Variants in CEP19 observed in about 807,000 individuals in gnomAD.
CEP19 encodes the protein centrosomal protein of 19 kDa.
CEP19 carries 14 observed loss-of-function variants against 17.5 expected under a neutral mutation model. The observed-to-expected ratio is 0.80, with a 90% CI of 0.53 to 1.25. CEP19 has a LOEUF of 1.25. Ranked by LOEUF, CEP19 falls within the 50% of genes most tolerant of loss-of-function variation. The pLI, the probability that CEP19 is intolerant of heterozygous loss-of-function variation, is 0.00. For missense variants in CEP19, 193 were observed against 192.0 expected (o/e 1.01, Z -0.03); for synonymous variants, 59 against 65.5 (o/e 0.90, Z 0.48).
rs1338164537 is a variant in CEP19 at position 196,707,732 on chromosome 3, T to C, written c.311A>G (p.Asp104Gly). 1.9e-6 allele frequency: 3 copies of C among 1,614,180 alleles called. No homozygotes were observed. The South Asian group carries it at 3.3e-5, about 18-fold the overall frequency. ...QRETTIDPEEDLNKLDDKELA... is the reference protein window; with the variant it reads ...QRETTIDPEEGLNKLDDKELA... ...CTCCTTGTCATCTAGTTTGTTCAGG[T>C]CTTCCTCAGGATCAATGGTTGTTTC... The change falls in exon 3 of 3, where the codon GAC becomes GGC. Residue 104 changes from aspartate (D) to glycine (G), a missense_variant. Coordinates refer to ENST00000409690, the MANE Select transcript of CEP19 (RefSeq NM_032898.5).
At chr3:196,708,349 AT>A (rs1161086862) in intron 2 of CEP19, among the ~76,000 whole-genome samples, 178 bp downstream of exon 2, 1 of 152,178 alleles carries the variant, frequency 6.6e-6, no homozygotes, top group Non-Finnish European at 1.5e-5. Flanking sequence ...TCCCAAAAGG[AT>A]TATTAATTAT....
chr3:196,711,942 C>T lies in CEP19; in HGVS notation c.-84G>A, dbSNP rs1361461137. On this transcript the variant is annotated 5_prime_UTR_variant, in exon 1 of 3. Coordinates refer to ENST00000409690, the MANE Select transcript of CEP19 (RefSeq NM_032898.5). ...TGGCTTTCTTACCCTTAGAGGAATA[C>T]AGAAATGACATCGTCTGCAGGCCAA... 1 of 717,388 alleles carries T rather than the reference C, an allele frequency of 1.4e-6. No homozygotes were observed. The highest frequency in any genetic ancestry group is 2.7e-5 in the East Asian group (1 of 37,302). 44.4% of individuals were successfully genotyped at this position (717,388 alleles called of 1,614,324 possible). A position where few individuals can be genotyped will look rare whatever the true frequency, so the allele number is the denominator to read the frequency against.
intron 1 of CEP19, 169 bp from the exon 2 acceptor site, chr3:196,708,896 T>C (rs1437464133): frequency 1.4e-5 from 7 of 497,482 alleles, no homozygotes; most frequent in Non-Finnish European, 2.5e-5. Flanking sequence ...TGTGTCATCC[T>C]TGCGCAGGGG....
intron 1 of CEP19, 136 bp downstream of exon 1, chr3:196,711,793 T>G (rs1711804229): frequency 1.5e-6 from 1 of 665,062 alleles, no homozygotes; most frequent in African/African-American, 1.8e-5. Flanking sequence ...ACACGAATAC[T>G]CCTCTCCCCA....
At position 196,708,727 on chromosome 3, in the gene CEP19, G is replaced by A. The variant is rs1711619885; in HGVS notation, c.-70C>T. On this transcript the variant is annotated splice_region_variant and 5_prime_UTR_variant, in exon 2 of 3. Transcript: ENST00000409690. ...TGTGTAAGTTGCATAATGACTTCCTGCTAAAGGGAAAAAACAACTAGGTGT... is the reference window on the plus strand; with the variant it reads ...TGTGTAAGTTGCATAATGACTTCCTACTAAAGGGAAAAAACAACTAGGTGT... 1.5e-5 allele frequency: 23 copies of A among 1,520,216 alleles called. No individual in the cohort carries two copies. Among genetic ancestry groups the A allele is most frequent in the Non-Finnish European group, 2.1e-5 (23 of 1,111,526 alleles). The allele number at this position is 1,520,216 out of a possible 1,614,324, so 94.2% of individuals were successfully genotyped here.
chr3:196,710,905 G>A lies in CEP19; in HGVS notation c.-71+1024C>T, dbSNP rs1711737202. Among the ~76,000 whole-genome samples, 3 of 140,232 alleles carry A rather than the reference G, an allele frequency of 2.1e-5. No individual in the cohort carries two copies. The South Asian group carries it at 6.7e-4, about 31-fold the overall frequency. The allele number at this position is 140,232 out of a possible 152,430, so 92.0% of individuals were successfully genotyped here. On this transcript the variant is annotated intron_variant, in intron 1 of 2. Transcript: ENST00000409690. The stretch of plus-strand genomic sequence containing the variant: ...AATTACTGTGCTCTACCTCTAATCT[G>A]ATGCAATGAGCTCACACCATTTCTC...
chr3:196,708,341 C>T (rs182333245), intron 2 of CEP19, among the ~76,000 whole-genome samples, 187 bp downstream of exon 2: 1 of 151,942 alleles, frequency 6.6e-6, no homozygotes, highest in East Asian at 1.9e-4. Context: ...GGCAGCAATC[C>T]CAAAAGGATT....
chr3:196,711,948 T>C lies in CEP19; in HGVS notation c.-90A>G. ...TCTTACCCTTAGAGGAATACAGAAA[T>C]GACATCGTCTGCAGGCCAACGTCTA... On this transcript the variant is annotated 5_prime_UTR_variant, in exon 1 of 3. Transcript: ENST00000409690. 1.4e-6 allele frequency: 1 copy of C among 717,464 alleles called. No individual in the cohort carries two copies. Among genetic ancestry groups the C allele is most frequent in the East Asian group, 2.7e-5 (1 of 37,282 alleles). 44.4% of individuals were successfully genotyped at this position (717,464 alleles called of 1,614,324 possible).
intron 1 of CEP19, among the ~76,000 whole-genome samples, chr3:196,710,860 A>C (rs1711732376): frequency 6.6e-6 from 1 of 150,454 alleles, no homozygotes; most frequent in Non-Finnish European, 1.5e-5. Flanking sequence ...AAAAAAAAAA[A>C]AAAAAAAACT....
chr3:196,712,165 G>A lies in CEP19; in HGVS notation c.-307C>T. ...CGGGAAGCGGAGGTGGGGGCCGGCT[G>A]GGGGACCGGTCCACCGGCTCCCACC... On this transcript the variant is annotated 5_prime_UTR_variant, in exon 1 of 3. Coordinates refer to ENST00000409690, the MANE Select transcript of CEP19 (RefSeq NM_032898.5). 1.7e-6 allele frequency: 1 copy of A among 574,980 alleles called. No individual in the cohort carries two copies. Among genetic ancestry groups the A allele is most frequent in the East Asian group, 2.9e-5 (1 of 35,012 alleles). 35.6% of individuals were successfully genotyped at this position (574,980 alleles called of 1,614,324 possible).
Position 196,707,366 on chromosome 3 carries a change from C to G in CEP19, c.*185G>C, listed in dbSNP as rs1033972221. 2 of 642,690 alleles carry G rather than the reference C, an allele frequency of 3.1e-6. No homozygotes were observed. The highest frequency in any genetic ancestry group is 5.2e-6 in the Non-Finnish European group (2 of 383,706). The allele number at this position is 642,690 out of a possible 1,614,324, so 39.8% of individuals were successfully genotyped here. ...CTCCTTAAAGGCAGATTCCTTTATT[C>G]TGTTTTTCCCATACTCCTCATGCAC... is the stretch of plus-strand genomic sequence containing the variant. On this transcript the variant is annotated 3_prime_UTR_variant, in exon 3 of 3. Coordinates refer to ENST00000409690, the MANE Select transcript of CEP19 (RefSeq NM_032898.5).
chr3:196,711,160 T>C (rs2108666752), intron 1 of CEP19, among the ~76,000 whole-genome samples: 2 of 152,130 alleles, frequency 1.3e-5, no homozygotes, highest in East Asian at 3.9e-4. Context: ...TTTGCTAAAG[T>C]AATGTTTGTA....
In CEP19 at chr3:196,707,848, T is replaced by G; in HGVS notation, c.195A>C (p.Val65=). The G allele has an allele frequency of 6.2e-7, 1 of 1,614,086 alleles. No individual in the cohort carries two copies. The highest frequency in any genetic ancestry group is 8.5e-7 in the Non-Finnish European group (1 of 1,180,034). ...ATAGCTTCTCTAGCTGCCTCAGGGATACTTGTTCTAGGTAACTCTTGTGTC... is the reference window on the plus strand; with the variant it reads ...ATAGCTTCTCTAGCTGCCTCAGGGAGACTTGTTCTAGGTAACTCTTGTGTC... The part of the protein sequence containing the change: ...NPRHKSYLEQ[V]SLRQLEKLFS... The change falls in exon 3 of 3, where the codon GTA becomes GTC. Residue 65 remains valine, a synonymous_variant. Transcript: ENST00000409690.
chr3:196,707,368 GT>G lies in CEP19; in HGVS notation c.*182del. On this transcript the variant is annotated 3_prime_UTR_variant, in exon 3 of 3. Transcript: ENST00000409690. ...CCTTAAAGGCAGATTCCTTTATTCT[GT>G]TTTTCCCATACTCCTCATGCACCTA... 1 of 652,870 alleles carries G rather than the reference GT, an allele frequency of 1.5e-6. No individual in the cohort carries two copies. The allele number at this position is 652,870 out of a possible 1,614,324, so 40.4% of individuals were successfully genotyped here.
intron 2 of CEP19, 127 bp downstream of exon 2, chr3:196,708,401 G>T: frequency 1.2e-6 from 1 of 836,894 alleles, no homozygotes. Context: ...TTATAGATTA[G>T]GAAACTGAAG....
intron 1 of CEP19, among the ~76,000 whole-genome samples, chr3:196,710,953 G>GC (rs11370623): frequency 0.087 from 11,248 of 129,692 alleles, 1,193 homozygotes; most frequent in East Asian, 0.56. Flanking sequence ...CTCTTTTCTT[G>GC]CTTTTTTTTT....
In CEP19 at chr3:196,707,787, G is replaced by C. The variant is rs1711580729; in HGVS notation, c.256C>G (p.Leu86Val). The change falls in exon 3 of 3, where the codon CTG becomes GTG. Residue 86 changes from leucine to valine, a missense_variant. By Grantham distance (32) the Leu-to-Val change is conservative (BLOSUM62 1). Transcript: ENST00000409690. ...FLRGYLSGQS[L>V]AETMEQIQRE... ...TGAATTTGTTCCATTGTTTCTGCCA[G>C]ACTCTGCCCCGACAAGTAACCTCGT... The C allele has an allele frequency of 6.2e-7, 1 of 1,614,138 alleles. No homozygotes were observed. Among genetic ancestry groups the C allele is most frequent in the East Asian group, 2.2e-5 (1 of 44,890 alleles).
intron 1 of CEP19, among the ~76,000 whole-genome samples, chr3:196,711,007 A>T (rs1193684783): frequency 5.7e-5 from 8 of 141,540 alleles, no homozygotes; most frequent in African/African-American, 2.1e-4. Context: ...CTAAAATTTG[A>T]TGTTAGTAAA....
Position 196,706,752 on chromosome 3 carries a change from T to G in CEP19, c.*799A>C, listed in dbSNP as rs7616240. The stretch of plus-strand genomic sequence containing the variant: ...GCTTATGGTTCCTCAAAAAAAAAAT[T>G]GTTTCTTGTCCCTTTACTACTTCCC... On this transcript the variant is annotated 3_prime_UTR_variant, in exon 3 of 3. Coordinates refer to ENST00000409690, the MANE Select transcript of CEP19 (RefSeq NM_032898.5). 6.6e-6 allele frequency: 1 copy of G among 151,832 alleles called. No individual in the cohort carries two copies. Among genetic ancestry groups the G allele is most frequent in the Non-Finnish European group, 1.5e-5 (1 of 67,950 alleles). The allele number at this position is 151,832 out of a possible 1,614,324, so 9.4% of individuals were successfully genotyped here.
Sources: gnomAD v4.1 joint callset for allele counts (sites outside exome capture counted in the v4.1 genomes callset) on GRCh38, gnomAD v4.1.1 for gene constraint, MANE v1.5 for transcripts, NCBI Gene and HGNC (gene_info 2026-07-23, HGNC 2026-07-21) for gene names.